CLSTN2: variants seen among roughly 807,000 people sequenced by gnomAD.
The protein encoded by CLSTN2 is calsyntenin 2.
In CLSTN2, 48 loss-of-function variants were observed where a neutral mutation model predicts 101.2. The ratio of observed to expected loss-of-function variants is 0.47; its 90% CI spans 0.38 to 0.60. The LOEUF (loss-of-function observed/expected upper bound fraction) is 0.60, where lower values mean the gene tolerates loss of function less well. CLSTN2 is among the 20% of genes least tolerant of loss of function. The probability of loss-of-function intolerance (pLI) is 0.00; values close to 1 mark genes in which losing one functional copy is unlikely to be tolerated. For synonymous variants in CLSTN2, 481 were observed against 463.6 expected (o/e 1.04, Z -0.48); for missense variants, 1,160 against 1,238.2 (o/e 0.94, Z 0.95).
chr3:140,107,927 C>T (rs2009089841), intron 1 of CLSTN2, among the ~76,000 whole-genome samples: 1 of 152,154 alleles, frequency 6.6e-6, no homozygotes, highest in Non-Finnish European at 1.5e-5. Context: ...AAGTGAGAGA[C>T]TTCTCTGAGG....
At chr3:140,124,019 A>T (rs2009389651) in intron 1 of CLSTN2, among the ~76,000 whole-genome samples, 1 of 152,130 alleles carries the variant, frequency 6.6e-6, no homozygotes, top group Admixed American at 6.6e-5. Flanking sequence ...GGCAGCACTC[A>T]GTCTATAGCA....
At chr3:139,952,321 A>G (rs1935308782) in intron 1 of CLSTN2, among the ~76,000 whole-genome samples, 1 of 152,210 alleles carries the variant, frequency 6.6e-6, no homozygotes, top group Non-Finnish European at 1.5e-5. Context: ...AATTTTAAAA[A>G]CAGCTTCTCT....
chr3:140,347,495 C>A (rs1313877851), intron 2 of CLSTN2, among the ~76,000 whole-genome samples: 3 of 152,234 alleles, frequency 2.0e-5, no homozygotes, highest in Admixed American at 2.0e-4. Context: ...TCTGAGCAGG[C>A]AAATTCAATA....
At chr3:139,963,006 A>ATATTAT (rs71146202) in intron 1 of CLSTN2, among the ~76,000 whole-genome samples, 28 of 151,656 alleles carry the variant, frequency 1.8e-4, no homozygotes, top group East Asian at 1.2e-3. Context: ...CATTGATTTA[A>ATATTAT]TATTATTATT....
chr3:140,516,219 A>G (rs1934914617), intron 8 of CLSTN2, among the ~76,000 whole-genome samples: 1 of 152,062 alleles, frequency 6.6e-6, no homozygotes, highest in Non-Finnish European at 1.5e-5. Context: ...AAGTTATGCT[A>G]AGTCCTTATG....
intron 8 of CLSTN2, among the ~76,000 whole-genome samples, chr3:140,491,671 A>G (rs375327330): frequency 2.6e-5 from 4 of 152,134 alleles, no homozygotes; most frequent in South Asian, 4.1e-4. Context: ...GAATCCAAAA[A>G]ATTAGCCAGA....
At chr3:140,278,882 G>GC (rs929972895) in intron 2 of CLSTN2, among the ~76,000 whole-genome samples, 2 of 151,930 alleles carry the variant, frequency 1.3e-5, no homozygotes, top group African/African-American at 4.8e-5. Flanking sequence ...ACTATGCCTG[G>GC]CTAATGGTTT....
intron 5 of CLSTN2, among the ~76,000 whole-genome samples, chr3:140,438,598 G>C (rs1410295919): frequency 6.6e-6 from 1 of 151,982 alleles, no homozygotes; most frequent in African/African-American, 2.4e-5. Context: ...GTTTTTCAAA[G>C]CCATGTAAGT....
At chr3:139,983,000 T>A (rs1935957975) in intron 1 of CLSTN2, among the ~76,000 whole-genome samples, 1 of 147,844 alleles carries the variant, frequency 6.8e-6, no homozygotes, top group South Asian at 2.1e-4. Context: ...ATATATATAA[T>A]CTGGCTGTGC....
At chr3:140,089,218 T>C (rs1011034596) in intron 1 of CLSTN2, among the ~76,000 whole-genome samples, 2 of 152,322 alleles carry the variant, frequency 1.3e-5, no homozygotes, top group Admixed American at 6.5e-5. Context: ...CTTGGGATTC[T>C]GATTTGGGCC....
chr3:140,051,757 G>A (rs1195401649), intron 1 of CLSTN2, among the ~76,000 whole-genome samples: 1 of 152,180 alleles, frequency 6.6e-6, no homozygotes, highest in Non-Finnish European at 1.5e-5. Flanking sequence ...TCTGGAATGT[G>A]GCTTGGATTC....
At chr3:140,492,709 T>C (rs1402723249) in intron 8 of CLSTN2, among the ~76,000 whole-genome samples, 1 of 152,238 alleles carries the variant, frequency 6.6e-6, no homozygotes, top group African/African-American at 2.4e-5. Context: ...ATGTAAATAG[T>C]ATCTCTCCAT....
chr3:140,393,224 C>A (rs898597066), intron 2 of CLSTN2, among the ~76,000 whole-genome samples: 58 of 152,152 alleles, frequency 3.8e-4, no homozygotes, highest in African/African-American at 1.4e-3. Context: ...ACTGGTTCAA[C>A]TTTGGGGCCC....
At chr3:140,336,025 A>T (rs984513118) in intron 2 of CLSTN2, among the ~76,000 whole-genome samples, 1 of 152,156 alleles carries the variant, frequency 6.6e-6, no homozygotes, top group Non-Finnish European at 1.5e-5. Flanking sequence ...TTGTAGTGTC[A>T]TGGTTGGGGC....
intron 2 of CLSTN2, among the ~76,000 whole-genome samples, chr3:140,243,521 G>A (rs1225226689): frequency 2.0e-5 from 3 of 152,190 alleles, no homozygotes; most frequent in Non-Finnish European, 4.4e-5. Flanking sequence ...GCACCTATGT[G>A]TGCACAACTG....
chr3:140,491,658 T>C (rs1047829661), intron 8 of CLSTN2, among the ~76,000 whole-genome samples: 3 of 151,992 alleles, frequency 2.0e-5, no homozygotes, highest in Non-Finnish European at 4.4e-5. Flanking sequence ...CGCTCTCTAA[T>C]AAGAATCCAA....
At chr3:140,043,475 G>T (rs1171462068) in intron 1 of CLSTN2, among the ~76,000 whole-genome samples, 11 of 152,142 alleles carry the variant, frequency 7.2e-5, no homozygotes, top group African/African-American at 2.7e-4. Context: ...TCTGTAGGTT[G>T]CCTGTTCATT....
intron 1 of CLSTN2, among the ~76,000 whole-genome samples, chr3:140,080,205 G>C (rs141709505): frequency 6.6e-6 from 1 of 152,166 alleles, no homozygotes; most frequent in African/African-American, 2.4e-5. Flanking sequence ...CTGAAGCCCA[G>C]TGAGTGCCCT....
chr3:140,225,489 T>G (rs1246222351), intron 2 of CLSTN2, among the ~76,000 whole-genome samples: 1 of 149,522 alleles, frequency 6.7e-6, no homozygotes, highest in African/African-American at 2.4e-5. Context: ...CTGACATTTT[T>G]GTTTGTTTGT....
Sources: allele counts gnomAD v4.1 joint callset (sites outside exome capture counted in the v4.1 genomes callset), GRCh38; gene constraint gnomAD v4.1.1; transcripts MANE v1.5; gene names NCBI Gene and HGNC (gene_info 2026-07-23, HGNC 2026-07-21).